ITPR2: variants seen among roughly 807,000 people sequenced by gnomAD.
ITPR2 encodes the protein inositol 1,4,5-trisphosphate-gated calcium channel ITPR2.
Under a neutral mutation model 317.1 loss-of-function variants are expected in ITPR2, and 207 were observed. That is an observed-to-expected ratio of 0.65 (90% confidence interval 0.58 to 0.73). The LOEUF (loss-of-function observed/expected upper bound fraction) is 0.73. Among genes scored for constraint, ITPR2 ranks in the 30% least tolerant of loss-of-function variants. The probability of loss-of-function intolerance (pLI) is 0.00; values close to 1 mark genes in which losing one functional copy is unlikely to be tolerated. For missense variants in ITPR2, 2,613 were observed against 3,284.0 expected (o/e 0.80, Z 4.99); for synonymous variants, 1,156 against 1,149.1 (o/e 1.01, Z -0.12).
chr12:26,673,347 T>C lies in ITPR2; in HGVS notation c.1410-7296A>G, dbSNP rs555227234. 2.0e-5 allele frequency among the ~76,000 whole-genome samples: 3 copies of C among 152,294 alleles called. No individual in the cohort carries two copies. The South Asian group carries it at 6.2e-4, about 32-fold the overall frequency. On this transcript the variant is annotated intron_variant, in intron 13 of 56. Coordinates refer to ENST00000381340, the MANE Select transcript of ITPR2 (RefSeq NM_002223.4). ...AGCACATCAAAAAGCTTATCCACCA[T>C]GATTAAGTGGGCTTCATCCCTGGGA...
intron 9 of ITPR2, among the ~76,000 whole-genome samples, chr12:26,697,067 C>A (rs1180654758): frequency 6.6e-6 from 1 of 152,142 alleles, no homozygotes; most frequent in Non-Finnish European, 1.5e-5. Flanking sequence ...AGGGGTAGGA[C>A]ACAGAAGCAA....
rs541338438 is a variant in ITPR2, at chr12:26,538,926, T to C, written c.5073+11321A>G. 1.1e-4 allele frequency among the ~76,000 whole-genome samples: 17 copies of C among 152,284 alleles called. No homozygotes were observed. The South Asian group carries it at 3.3e-3, about 30-fold the overall frequency. The stretch of plus-strand genomic sequence containing the variant: ...TACCTACTGTGCCTTTCTTTTTATC[T>C]ATAAAATGGAGATTAAAATACTTTC... On this transcript the variant is annotated intron_variant, in intron 37 of 56. Transcript: ENST00000381340.
chr12:26,366,316 A>G (rs1939008122), intron 55 of ITPR2, among the ~76,000 whole-genome samples: 1 of 152,158 alleles, frequency 6.6e-6, no homozygotes, highest in Non-Finnish European at 1.5e-5. Flanking sequence ...TTCTTTTACA[A>G]AACCTTTGCC....
At chr12:26,716,610 G>A (rs1474060696) in intron 5 of ITPR2, among the ~76,000 whole-genome samples, 1 of 152,042 alleles carries the variant, frequency 6.6e-6, no homozygotes. Context: ...CCACAAAAAA[G>A]TAATCTATCC....
intron 39 of ITPR2, among the ~76,000 whole-genome samples, chr12:26,490,422 C>A (rs12423501): frequency 4.6e-5 from 7 of 152,278 alleles, no homozygotes; most frequent in Middle Eastern, 3.4e-3. Flanking sequence ...TTGGTCCAGA[C>A]ACAAGGGGTA....
chr12:26,647,153 C>A (rs1292983286), intron 21 of ITPR2, among the ~76,000 whole-genome samples: 1 of 152,162 alleles, frequency 6.6e-6, no homozygotes, highest in Non-Finnish European at 1.5e-5. Flanking sequence ...CAAAGTTGAA[C>A]CCCAGTCCCG....
In ITPR2 at chr12:26,628,054, G is replaced by C; in HGVS notation, c.3043C>G (p.Pro1015Ala). ...ATACCTGATGGTAGTAAAGTGTCTG[G>C]AGATCCACTGGCAGATGTCTCCGCA... ...DNAETSASGS[P>A]DTLLPSAIVP... The change falls in exon 23 of 57, where the codon CCA becomes GCA. Residue 1015 changes from proline (P) to alanine (A), a missense_variant. Pro to Ala is a conservative substitution (Grantham distance 27). Transcript: ENST00000381340. 2 of 1,612,512 alleles carry C rather than the reference G, an allele frequency of 1.2e-6. No homozygotes were observed. Among genetic ancestry groups the C allele is most frequent in the Non-Finnish European group, 1.7e-6 (2 of 1,179,482 alleles).
At chr12:26,826,303 A>C (rs1335055226) in intron 1 of ITPR2, among the ~76,000 whole-genome samples, 2 of 152,258 alleles carry the variant, frequency 1.3e-5, no homozygotes, top group Non-Finnish European at 2.9e-5. Flanking sequence ...AAATAAGATA[A>C]ATCAAATCTA....
intron 37 of ITPR2, among the ~76,000 whole-genome samples, chr12:26,542,060 A>G (rs541970722): frequency 1.3e-5 from 2 of 152,344 alleles, no homozygotes; most frequent in Admixed American, 1.3e-4. Flanking sequence ...ACAGCTCTCA[A>G]TTAGATGCTA....
At chr12:26,823,648 A>G (rs181600122) in intron 1 of ITPR2, among the ~76,000 whole-genome samples, 41 of 152,322 alleles carry the variant, frequency 2.7e-4, no homozygotes, top group East Asian at 2.5e-3. Flanking sequence ...ATATGGACAC[A>G]TTTTCAATTG....
chr12:26,389,361 T>C (rs189814284), intron 54 of ITPR2, among the ~76,000 whole-genome samples: 1 of 152,350 alleles, frequency 6.6e-6, no homozygotes, highest in East Asian at 1.9e-4. Context: ...TAAATAATTC[T>C]TTAGTATGAG....
At chr12:26,755,366 A>C (rs1949501835) in intron 2 of ITPR2, among the ~76,000 whole-genome samples, 1 of 152,182 alleles carries the variant, frequency 6.6e-6, no homozygotes, top group South Asian at 2.1e-4. Context: ...AAAGGGAAAA[A>C]CTTTCAGGAC....
At position 26,400,097 on chromosome 12, in the gene ITPR2, T is replaced by C. The variant is rs1940124695; in HGVS notation, c.7530+31A>G. The C allele has an allele frequency of 3.8e-6, 6 of 1,571,196 alleles. No homozygotes were observed. In the African/African-American group the frequency reaches 4.1e-5, roughly 11 times the overall value. The stretch of plus-strand genomic sequence containing the variant: ...AGAAAGGTTTAAAAAAAAGATGTGC[T>C]CCTTGAAAAAATACTTTTACTCTGG... On this transcript the variant is annotated intron_variant, in intron 53 of 56. Coordinates refer to ENST00000381340, the MANE Select transcript of ITPR2 (RefSeq NM_002223.4).
intron 1 of ITPR2, among the ~76,000 whole-genome samples, chr12:26,824,330 C>A (rs769364274): frequency 6.6e-6 from 1 of 152,098 alleles, no homozygotes; most frequent in African/African-American, 2.4e-5. Flanking sequence ...TAAATCAAAC[C>A]ATCAAACCAT....
chr12:26,431,872 A>T (rs1941218985), intron 48 of ITPR2, among the ~76,000 whole-genome samples: 1 of 152,088 alleles, frequency 6.6e-6, no homozygotes, highest in South Asian at 2.1e-4. Flanking sequence ...TGTTCTCACC[A>T]CCACATTGGT....
intron 2 of ITPR2, among the ~76,000 whole-genome samples, chr12:26,776,789 G>C (rs1484613412): frequency 2.6e-5 from 4 of 152,198 alleles, no homozygotes; most frequent in African/African-American, 9.6e-5. Context: ...CCCTTAGGCA[G>C]TTGCCAGGCA....
intron 3 of ITPR2, among the ~76,000 whole-genome samples, 159 bp from the exon 4 acceptor site, chr12:26,724,901 TTA>T (rs1948894965): frequency 6.6e-6 from 1 of 152,206 alleles, no homozygotes; most frequent in African/African-American, 2.4e-5. Flanking sequence ...TTGTTTTGCT[TTA>T]TGTTTCCATC....
chr12:26,701,491 C>T (rs1429485723), intron 9 of ITPR2, among the ~76,000 whole-genome samples: 3 of 152,036 alleles, frequency 2.0e-5, no homozygotes, highest in African/African-American at 7.2e-5. Context: ...AGAAAATAAC[C>T]TTTACTGGGT....
At chr12:26,658,239 A>G (rs1218935849) in intron 16 of ITPR2, 109 bp from the exon 17 acceptor site, 1 of 695,746 alleles carries the variant, frequency 1.4e-6, no homozygotes, top group Non-Finnish European at 2.1e-6. Context: ...TATATGTTTT[A>G]ATATTATTTC....
Sources: gnomAD v4.1 joint callset for allele counts (sites outside exome capture counted in the v4.1 genomes callset) on GRCh38, gnomAD v4.1.1 for gene constraint, MANE v1.5 for transcripts, NCBI Gene and HGNC (gene_info 2026-07-23, HGNC 2026-07-21) for gene names.